CNTNAP2: variants seen among roughly 807,000 people sequenced by gnomAD.
The protein encoded by CNTNAP2 is contactin-associated protein-like 2.
Under a neutral mutation model 155.2 loss-of-function variants are expected in CNTNAP2, and 98 were observed. The ratio of observed to expected loss-of-function variants is 0.63; its 90% confidence interval spans 0.54 to 0.75. The LOEUF (loss-of-function observed/expected upper bound fraction) is 0.75. CNTNAP2 is among the 30% of genes least tolerant of loss of function. The pLI is 0.00. For synonymous variants in CNTNAP2, 651 were observed against 631.2 expected, an observed-to-expected ratio of 1.03 and a Z score of -0.47; for missense variants, 1,727 against 1,688.1, an observed-to-expected ratio of 1.02 and a Z score of -0.40.
chr7:146,345,373 T>C (rs534672440), intron 1 of CNTNAP2, among the ~76,000 whole-genome samples: 1 of 152,300 alleles, frequency 6.6e-6, no homozygotes, highest in East Asian at 1.9e-4. Flanking sequence ...TAGGGTCCTT[T>C]GGGTTAATTA....
intron 22 of CNTNAP2, among the ~76,000 whole-genome samples, chr7:148,401,215 T>TA (rs1799575311): frequency 6.6e-6 from 1 of 152,150 alleles, no homozygotes; most frequent in African/African-American, 2.4e-5. Flanking sequence ...TACAGTAAGA[T>TA]ACATGAGAGA....
intron 1 of CNTNAP2, among the ~76,000 whole-genome samples, chr7:146,467,689 T>C (rs1796735879): frequency 6.6e-6 from 1 of 152,140 alleles, no homozygotes; most frequent in South Asian, 2.1e-4. Context: ...AAAATAACTA[T>C]TTGAATAAAT....
chr7:146,499,786 A>G (rs1339406583), intron 1 of CNTNAP2, among the ~76,000 whole-genome samples: 2 of 152,156 alleles, frequency 1.3e-5, no homozygotes, highest in African/African-American at 4.8e-5. Flanking sequence ...GTTGTATTGA[A>G]GCTGTATATC....
chr7:146,311,227 T>C (rs1269711432), intron 1 of CNTNAP2, among the ~76,000 whole-genome samples: 1 of 152,210 alleles, frequency 6.6e-6, no homozygotes, highest in Non-Finnish European at 1.5e-5. Flanking sequence ...TTAAAAAGTA[T>C]ATACGTCTAT....
intron 1 of CNTNAP2, among the ~76,000 whole-genome samples, chr7:146,493,969 A>G (rs1412875162): frequency 6.6e-6 from 1 of 152,194 alleles, no homozygotes; most frequent in Non-Finnish European, 1.5e-5. Flanking sequence ...TGTCACCACT[A>G]TACAGTTCAT....
At chr7:146,810,811 TCTA>T (rs2129193690) in intron 2 of CNTNAP2, among the ~76,000 whole-genome samples, 1 of 152,336 alleles carries the variant, frequency 6.6e-6, no homozygotes, top group East Asian at 1.9e-4. Context: ...GTATATTCAT[TCTA>T]CAACTATTTT....
intron 1 of CNTNAP2, among the ~76,000 whole-genome samples, chr7:146,721,304 T>A (rs927791334): frequency 9.5e-6 from 1 of 105,608 alleles, no homozygotes; most frequent in African/African-American, 4.1e-5. Flanking sequence ...TCTATATATG[T>A]ATTCTATATA....
At chr7:147,296,084 C>T (rs1306365054) in intron 8 of CNTNAP2, among the ~76,000 whole-genome samples, 2 of 152,228 alleles carry the variant, frequency 1.3e-5, no homozygotes, top group African/African-American at 4.8e-5. Flanking sequence ...CTTTCTTGTT[C>T]TTCCACTTAG....
intron 3 of CNTNAP2, among the ~76,000 whole-genome samples, chr7:146,905,774 A>G (rs563896813): frequency 6.6e-6 from 1 of 152,340 alleles, no homozygotes; most frequent in African/African-American, 2.4e-5. Context: ...ATACAATAAA[A>G]TTTGGTTTAC....
intron 14 of CNTNAP2, among the ~76,000 whole-genome samples, chr7:147,947,049 A>C (rs1156405901): frequency 6.6e-6 from 1 of 152,110 alleles, no homozygotes; most frequent in African/African-American, 2.4e-5. Flanking sequence ...GTGGTCTGGG[A>C]CAAAGTTCCT....
intron 9 of CNTNAP2, among the ~76,000 whole-genome samples, chr7:147,314,537 T>C (rs1795190815): frequency 6.6e-6 from 1 of 151,148 alleles, no homozygotes; most frequent in African/African-American, 2.4e-5. Flanking sequence ...TAGACACCCT[T>C]ATTAGATCAG....
At chr7:146,857,112 ACAC>A (rs1795005335) in intron 3 of CNTNAP2, among the ~76,000 whole-genome samples, 1 of 152,134 alleles carries the variant, frequency 6.6e-6, no homozygotes, top group Non-Finnish European at 1.5e-5. Context: ...TATGAAATGT[ACAC>A]TATTTGGAAG....
At position 147,615,958 on chromosome 7, in the gene CNTNAP2, T is replaced by A. The variant is rs186234289; in HGVS notation, c.1898-23148T>A. 1.6e-3 allele frequency among the ~76,000 whole-genome samples: 246 copies of A among 152,270 alleles called. 1 individual carries two copies. The highest frequency in any genetic ancestry group is 6.8e-3 in the East Asian group (35 of 5,164). The stretch of plus-strand genomic sequence containing the variant: ...GGTCTACCTAGTCTTGGTCTCTTTA[T>A]TGGCTCTTCTATTTCCCACAATTTC... On this transcript the variant is annotated intron_variant, in intron 12 of 23. Coordinates refer to ENST00000361727, the MANE Select transcript of CNTNAP2 (RefSeq NM_014141.6).
At chr7:147,894,831 G>T (rs1799750165) in intron 13 of CNTNAP2, among the ~76,000 whole-genome samples, 1 of 151,706 alleles carries the variant, frequency 6.6e-6, no homozygotes, top group Admixed American at 6.6e-5. Context: ...AAAATCACAG[G>T]TATGCACCTC....
chr7:146,217,686 G>T (rs1799135371), intron 1 of CNTNAP2, among the ~76,000 whole-genome samples: 2 of 152,108 alleles, frequency 1.3e-5, no homozygotes, highest in African/African-American at 4.8e-5. Context: ...ATTAATCTAG[G>T]ATGGAAAATA....
At chr7:146,503,163 T>C (rs1797332423) in intron 1 of CNTNAP2, among the ~76,000 whole-genome samples, 1 of 152,226 alleles carries the variant, frequency 6.6e-6, no homozygotes. Context: ...ATTGATTATT[T>C]CCTTTGCAGT....
At chr7:146,479,945 C>T (rs1292009040) in intron 1 of CNTNAP2, among the ~76,000 whole-genome samples, 2 of 151,962 alleles carry the variant, frequency 1.3e-5, no homozygotes, top group South Asian at 2.1e-4. Flanking sequence ...CCAACACGCC[C>T]GGCTAATTTT....
At chr7:147,445,031 A>C (rs1029134107) in intron 10 of CNTNAP2, among the ~76,000 whole-genome samples, 1 of 152,142 alleles carries the variant, frequency 6.6e-6, no homozygotes, top group African/African-American at 2.4e-5. Context: ...ATCTCTTGAG[A>C]ACTCTATCAG....
chr7:148,026,318 G>T (rs960035117), intron 15 of CNTNAP2, among the ~76,000 whole-genome samples: 10 of 151,446 alleles, frequency 6.6e-5, no homozygotes, highest in African/African-American at 2.4e-4. Context: ...TAGTGTGATG[G>T]TGCAGGCCTA....
Sources: allele counts gnomAD v4.1 joint callset (sites outside exome capture counted in the v4.1 genomes callset), GRCh38; gene constraint gnomAD v4.1.1; transcripts MANE v1.5; gene names NCBI Gene and HGNC (gene_info 2026-07-23, HGNC 2026-07-21).